The following CCDC92B variants were observed in gnomAD, a reference collection of about 807,000 sequenced individuals.
CCDC92B encodes the protein coiled-coil domain containing 92B, also known as coiled-coil domain-containing 92B.
A neutral mutation model predicts 5.6 loss-of-function variants in CCDC92B; 2 were observed. The ratio of observed to expected loss-of-function variants is 0.36; its 90% CI spans 0.15 to 1.12. CCDC92B has a LOEUF of 1.12. Ranked by LOEUF, CCDC92B falls within the 50% of genes most tolerant of loss-of-function variation. The pLI, the probability that CCDC92B is intolerant of heterozygous loss-of-function variation, is 0.40. For missense variants in CCDC92B, 271 were observed against 262.2 expected, an observed-to-expected ratio of 1.03 and a Z score of -0.23; for synonymous variants, 115 against 122.3, an observed-to-expected ratio of 0.94 and a Z score of 0.39.
chr17:2,742,982 C>T (rs560182456), intron 1 of CCDC92B, among the ~76,000 whole-genome samples: 7 of 152,314 alleles, frequency 4.6e-5, no homozygotes, highest in Non-Finnish European at 8.8e-5. Flanking sequence ...AAAAACATAT[C>T]CCAAAGCCAG....
intron 3 of CCDC92B, among the ~76,000 whole-genome samples, chr17:2,727,887 C>T (rs867892092): frequency 6.6e-6 from 1 of 151,574 alleles, no homozygotes; most frequent in Non-Finnish European, 1.5e-5. Context: ...ACACACTCAT[C>T]CCAGTGACTC....
chr17:2,733,017 TAAATAAATAAATAA>T (rs1317274644), intron 2 of CCDC92B, among the ~76,000 whole-genome samples: 3 of 126,062 alleles, frequency 2.4e-5, no homozygotes, highest in Non-Finnish European at 3.5e-5. Flanking sequence ...TGTCTCAAAA[TAAATAAATAAATAA>T]AAATAAATAA....
At chr17:2,733,961 C>T (rs549417536) in intron 2 of CCDC92B, among the ~76,000 whole-genome samples, 12 of 150,092 alleles carry the variant, frequency 8.0e-5, no homozygotes, top group African/African-American at 2.7e-4. Context: ...GGTTTCGCCA[C>T]GTTGGCCAGG....
chr17:2,726,280 C>T (rs2070728826), intron 3 of CCDC92B, among the ~76,000 whole-genome samples: 1 of 151,552 alleles, frequency 6.6e-6, no homozygotes, highest in Non-Finnish European at 1.5e-5. Context: ...CGGGTTCAAG[C>T]CATTCTCCTG....
intron 2 of CCDC92B, among the ~76,000 whole-genome samples, chr17:2,733,163 T>C (rs913645843): frequency 4.0e-5 from 6 of 151,448 alleles, no homozygotes; most frequent in African/African-American, 7.3e-5. Context: ...TTTTGGGATC[T>C]GGCCCGTGTC....
In CCDC92B at chr17:2,724,471, C is replaced by G. The variant is rs1175993714; in HGVS notation, c.708G>C (p.Pro236=). 65 of 980,390 alleles carry G rather than the reference C, an allele frequency of 6.6e-5. No homozygotes were observed. Among genetic ancestry groups the G allele is most frequent in the Non-Finnish European group, 7.9e-5 (65 of 826,714 alleles). The allele number at this position is 980,390 out of a possible 1,614,324, so 60.7% of individuals were successfully genotyped here. The change falls in exon 4 of 4, where the codon CCG becomes CCC. Residue 236 remains proline (P), a synonymous_variant. Transcript: ENST00000614400. The surrounding 1 kb of genome is among the most constrained non-coding windows in gnomAD (Gnocchi z 5.0). ...SPRQPPPQEP[P]DRAGPQPAPS... is the part of the protein sequence containing the mutation. The stretch of plus-strand genomic sequence containing the variant: ...GCGCGGGCTGCGGGCCGGCTCGGTC[C>G]GGGGGCTCCTGGGGAGGCGGCTGGC...
At chr17:2,730,068 C>T (rs777656670) in intron 3 of CCDC92B, among the ~76,000 whole-genome samples, 18 of 152,108 alleles carry the variant, frequency 1.2e-4, no homozygotes, top group Non-Finnish European at 2.2e-4. Context: ...ATTAAGCAGG[C>T]TAAGGGGAAG....
chr17:2,733,443 G>C (rs1478097595), intron 2 of CCDC92B, among the ~76,000 whole-genome samples: 1 of 151,938 alleles, frequency 6.6e-6, no homozygotes, highest in Non-Finnish European at 1.5e-5. Flanking sequence ...ATTTTTAGTA[G>C]AGACGGGGTT....
Position 2,724,363 on chromosome 17 carries a change from T to C in CCDC92B, c.*48A>G. The C allele has an allele frequency of 1.0e-6, 1 of 984,976 alleles. No individual in the cohort carries two copies. Among genetic ancestry groups the C allele is most frequent in the Non-Finnish European group, 1.2e-6 (1 of 829,812 alleles). 61.0% of individuals were successfully genotyped at this position (984,976 alleles called of 1,614,324 possible). ...GCCTGCGGGGACCGAGCTGCGTCCC[T>C]GGCCGGCCCTCCCCGTCCGTCCCGC... On this transcript the variant is annotated 3_prime_UTR_variant, in exon 4 of 4. Coordinates refer to ENST00000614400, the MANE Select transcript of CCDC92B (RefSeq NM_001355573.2). This position sits in a 1 kb window ranked among gnomAD's most constrained non-coding sequence, Gnocchi z 5.0.
chr17:2,726,182 ATTTTTT>A (rs71150891), intron 3 of CCDC92B, among the ~76,000 whole-genome samples: 5 of 142,342 alleles, frequency 3.5e-5, no homozygotes, highest in Non-Finnish European at 4.5e-5. Flanking sequence ...ATATATATAT[ATTTTTT>A]TTTTTTTGAG....
chr17:2,734,219 G>A (rs2070832588), intron 2 of CCDC92B, among the ~76,000 whole-genome samples: 1 of 152,056 alleles, frequency 6.6e-6, no homozygotes, highest in Non-Finnish European at 1.5e-5. Context: ...ATCTTGGCAT[G>A]TCCACATGTT....
chr17:2,739,881 C>G (rs752250211), intron 1 of CCDC92B, among the ~76,000 whole-genome samples: 1 of 152,006 alleles, frequency 6.6e-6, no homozygotes, highest in East Asian at 1.9e-4. Context: ...CTACTATTGC[C>G]AAGCACTGTC....
At chr17:2,728,177 G>A (rs2070754697) in intron 3 of CCDC92B, among the ~76,000 whole-genome samples, 1 of 151,718 alleles carries the variant, frequency 6.6e-6, no homozygotes, top group Non-Finnish European at 1.5e-5. Flanking sequence ...AGCTGGGCAT[G>A]GTGGCATGTA....
chr17:2,741,055 G>A (rs1290319584), intron 1 of CCDC92B, among the ~76,000 whole-genome samples: 2 of 148,932 alleles, frequency 1.3e-5, no homozygotes, highest in East Asian at 2.0e-4. Flanking sequence ...AAGCCACTAT[G>A]TTTATGATAA....
At chr17:2,748,247 ATC>A in intron 1 of CCDC92B, 1 of 781,842 alleles carries the variant, frequency 1.3e-6, no homozygotes, top group Non-Finnish European at 2.0e-6. Flanking sequence ...TATCCACCCT[ATC>A]TCTGCCTCTT....
chr17:2,732,217 C>T (rs1170603111), intron 2 of CCDC92B, among the ~76,000 whole-genome samples: 1 of 152,310 alleles, frequency 6.6e-6, no homozygotes, highest in East Asian at 1.9e-4. Flanking sequence ...CATCCTTAGC[C>T]AGCTCCCTGG....
intron 2 of CCDC92B, 125 bp downstream of exon 2, chr17:2,734,891 A>G: frequency 1.4e-6 from 1 of 693,258 alleles, no homozygotes; most frequent in Non-Finnish European, 1.8e-6. Context: ...AATCAGAAAA[A>G]GAGGCAGCAG....
intron 1 of CCDC92B, among the ~76,000 whole-genome samples, chr17:2,746,051 G>A (rs569810208): frequency 6.6e-6 from 1 of 150,908 alleles, no homozygotes; most frequent in Non-Finnish European, 1.5e-5. Context: ...GCACAATCTC[G>A]GCTCACTGCA....
At chr17:2,746,138 C>T (rs1430914911) in intron 1 of CCDC92B, among the ~76,000 whole-genome samples, 2 of 152,222 alleles carry the variant, frequency 1.3e-5, no homozygotes, top group East Asian at 1.9e-4. Context: ...CCCACCACCA[C>T]GCCTGGCTAA....
Sources: allele counts gnomAD v4.1 joint callset (sites outside exome capture counted in the v4.1 genomes callset), GRCh38; gene constraint gnomAD v4.1.1; non-coding constraint Gnocchi (gnomAD v3.1); transcripts MANE v1.5; gene names NCBI Gene and HGNC (gene_info 2026-07-23, HGNC 2026-07-21).